The following M1AP variants were observed in gnomAD, a reference collection of about 807,000 sequenced individuals.
M1AP encodes meiosis 1 arrest protein.
In M1AP, 39 loss-of-function variants were observed where a neutral mutation model predicts 51.2. The ratio of observed to expected loss-of-function variants is 0.76; its 90% CI spans 0.59 to 1.00. The LOEUF (loss-of-function observed/expected upper bound fraction) is 1.00. Among genes scored for constraint, M1AP ranks in the 50% least tolerant of loss-of-function variants. The pLI is 0.00. For missense variants in M1AP, 545 were observed against 641.2 expected (o/e 0.85, Z 1.62); for synonymous variants, 251 against 249.2 (o/e 1.01, Z -0.07).
In M1AP at chr2:74,607,187, C is replaced by T. The variant is rs771304067; in HGVS notation, c.463G>A (p.Val155Ile). 7.4e-6 allele frequency: 12 copies of T among 1,613,950 alleles called. No homozygotes were observed. Among genetic ancestry groups the T allele is most frequent in the South Asian group, 3.3e-5 (3 of 91,084 alleles). Residue 155 changes from valine to isoleucine, a missense_variant, in exon 4 of 11, where the codon GTC (valine) becomes ATC (isoleucine). By Grantham distance (29) the Val-to-Ile change is conservative. Transcript: ENST00000421985. ...TTCAACCCTTCCTCCAACTGTTTGA[C>T]CACCTCTTTTCCAGGCTGAGAAGTC... ...ILTSQPGKEV[V>I]KQLEEGLKDT...
At chr2:74,572,343 CT>C (rs918512125) in intron 7 of M1AP, among the ~76,000 whole-genome samples, 15 of 152,280 alleles carry the variant, frequency 9.9e-5, no homozygotes, top group Admixed American at 2.6e-4. Context: ...CCCACCCCCC[CT>C]AAGCAGTGTC....
At chr2:74,635,931 G>C (rs915070287) in intron 2 of M1AP, among the ~76,000 whole-genome samples, 2 of 152,130 alleles carry the variant, frequency 1.3e-5, no homozygotes, top group African/African-American at 4.8e-5. Context: ...TGTTCCACGG[G>C]TGCTTGAAAA....
At chr2:74,588,804 C>T (rs1394751115) in intron 4 of M1AP, among the ~76,000 whole-genome samples, 1 of 152,144 alleles carries the variant, frequency 6.6e-6, no homozygotes, top group African/African-American at 2.4e-5. Context: ...AATTTATATC[C>T]CAGAACTCTT....
At chr2:74,584,000 C>A (rs1679560519) in intron 4 of M1AP, among the ~76,000 whole-genome samples, 1 of 152,140 alleles carries the variant, frequency 6.6e-6, no homozygotes. Context: ...ACACTCTGTG[C>A]CCTTATGGAG....
intron 1 of M1AP, 37 bp downstream of exon 1, chr2:74,648,228 G>A (rs985422191): frequency 2.1e-6 from 2 of 974,278 alleles, no homozygotes; most frequent in Non-Finnish European, 1.2e-6. Flanking sequence ...GGCTGCTCTC[G>A]GGCTGCCCTC....
chr2:74,587,544 C>T (rs1174904488), intron 4 of M1AP, among the ~76,000 whole-genome samples: 5 of 152,166 alleles, frequency 3.3e-5, no homozygotes, highest in African/African-American at 1.2e-4. Context: ...TCACTGCTTT[C>T]TACCCCCGAC....
chr2:74,566,135 T>C (rs1024852316), intron 7 of M1AP, among the ~76,000 whole-genome samples: 3 of 152,200 alleles, frequency 2.0e-5, no homozygotes, highest in Non-Finnish European at 4.4e-5. Context: ...GTTAAGCTCT[T>C]TGGATTCTGG....
At chr2:74,636,183 G>A (rs1410597569) in intron 2 of M1AP, among the ~76,000 whole-genome samples, 1 of 151,786 alleles carries the variant, frequency 6.6e-6, no homozygotes, top group Admixed American at 6.6e-5. Context: ...CTTCTTGGTG[G>A]ATTGACCTTT....
chr2:74,594,099 C>T (rs1025112337), intron 4 of M1AP, among the ~76,000 whole-genome samples: 3 of 152,094 alleles, frequency 2.0e-5, no homozygotes, highest in Non-Finnish European at 2.9e-5. Context: ...GATCTGAGTC[C>T]CTGCTCACTG....
At chr2:74,614,925 G>C in intron 3 of M1AP, 39 bp downstream of exon 3, 1 of 1,575,106 alleles carries the variant, frequency 6.3e-7, no homozygotes, top group Non-Finnish European at 8.7e-7. Flanking sequence ...GACTGAAATC[G>C]GAACACAGCT....
chr2:74,581,900 T>C (rs1015108406), intron 4 of M1AP, 53 bp from the exon 5 acceptor site: 9 of 1,528,142 alleles, frequency 5.9e-6, no homozygotes, highest in Middle Eastern at 1.7e-4. Context: ...TTTTGAGTAA[T>C]ATAAAATTTT....
intron 4 of M1AP, among the ~76,000 whole-genome samples, chr2:74,586,759 G>T (rs949910110): frequency 6.6e-6 from 1 of 152,176 alleles, no homozygotes; most frequent in Admixed American, 6.5e-5. Context: ...CCAGCACTTT[G>T]GGAGGCTGAG....
At chr2:74,613,240 T>A (rs553197666) in intron 3 of M1AP, among the ~76,000 whole-genome samples, 3 of 152,338 alleles carry the variant, frequency 2.0e-5, no homozygotes, top group African/African-American at 7.2e-5. Context: ...TTGCTTTAAA[T>A]TCTGTGGTCT....
intron 4 of M1AP, among the ~76,000 whole-genome samples, chr2:74,590,879 C>A (rs908877310): frequency 2.0e-5 from 3 of 152,108 alleles, no homozygotes; most frequent in Admixed American, 1.3e-4. Flanking sequence ...ACAGCACTAG[C>A]GCAGTGTTTA....
At chr2:74,604,598 C>G (rs904843299) in intron 4 of M1AP, among the ~76,000 whole-genome samples, 1 of 152,220 alleles carries the variant, frequency 6.6e-6, no homozygotes, top group African/African-American at 2.4e-5. Flanking sequence ...CCCTTCCCTC[C>G]CCTCCTGCTG....
intron 5 of M1AP, among the ~76,000 whole-genome samples, 196 bp downstream of exon 5, chr2:74,581,478 G>C (rs1471909231): frequency 2.0e-5 from 3 of 152,152 alleles, no homozygotes; most frequent in African/African-American, 7.2e-5. Flanking sequence ...GGCTTAATTA[G>C]GTTCAGCTTT....
intron 7 of M1AP, among the ~76,000 whole-genome samples, chr2:74,571,094 A>C (rs867963998): frequency 6.6e-6 from 1 of 152,210 alleles, no homozygotes. Flanking sequence ...TGCTTCAAGG[A>C]GATTAAGCTA....
In M1AP at chr2:74,558,792, A is replaced by G; in HGVS notation, c.1517T>C (p.Met506Thr). 1 of 1,612,112 alleles carries G rather than the reference A, an allele frequency of 6.2e-7. No homozygotes were observed. The highest frequency in any genetic ancestry group is 8.5e-7 in the Non-Finnish European group (1 of 1,179,284). Reference sequence around the variant, plus strand: ...TGAGGAAGATTTGCTGGCTGCTGGCATCTTGGAGGCTCTGCCTGGGACAGG... The same window carrying G: ...TGAGGAAGATTTGCTGGCTGCTGGCGTCTTGGAGGCTCTGCCTGGGACAGG... ...MTPVPGRASK[M>T]PAASKSSSDA... The change falls in exon 11 of 11, where the codon ATG (methionine) becomes ACG (threonine). Residue 506 changes from methionine (M) to threonine (T), a missense_variant. Physicochemically the swap from Met to Thr is moderately conservative, Grantham distance 81. Coordinates refer to ENST00000421985, the MANE Select transcript of M1AP (RefSeq NM_001321739.2).
rs543143249 is a variant in M1AP at position 74,580,353 on chromosome 2, T to C, written c.769+1321A>G. Reference sequence around the variant, plus strand: ...AAACAGATAAGTGAAGTCCAGAGGATAGGACAGGGAGAAATTGGTACTATC... The same window carrying C: ...AAACAGATAAGTGAAGTCCAGAGGACAGGACAGGGAGAAATTGGTACTATC... On this transcript the variant is annotated intron_variant, in intron 5 of 10. Coordinates refer to ENST00000421985, the MANE Select transcript of M1AP (RefSeq NM_001321739.2). Among the ~76,000 whole-genome samples the C allele has an allele frequency of 5.9e-5, 9 of 152,300 alleles. No homozygotes were observed. The East Asian group carries it at 9.6e-4, about 16-fold the overall frequency.
Sources: allele counts gnomAD v4.1 joint callset (sites outside exome capture counted in the v4.1 genomes callset), GRCh38; gene constraint gnomAD v4.1.1; transcripts MANE v1.5; gene names NCBI Gene and HGNC (gene_info 2026-07-23, HGNC 2026-07-21).